Variants in ARHGAP19 observed in about 807,000 individuals in gnomAD.
The protein encoded by ARHGAP19 is Rho GTPase activating protein 19.
In ARHGAP19, 48 loss-of-function variants were observed where a neutral mutation model predicts 60.9. The ratio of observed to expected loss-of-function variants is 0.79; its 90% confidence interval spans 0.62 to 1.00. The LOEUF is 1.00. Ranked by LOEUF, ARHGAP19 falls within the 50% of genes least tolerant of loss-of-function variation. The probability of loss-of-function intolerance (pLI) is 0.00; values close to 1 mark genes in which losing one functional copy is unlikely to be tolerated. For missense variants in ARHGAP19, 562 were observed against 597.2 expected (o/e 0.94, Z 0.61); for synonymous variants, 209 against 215.5 (o/e 0.97, Z 0.27).
chr10:97,287,918 CG>C (rs1461810483), intron 1 of ARHGAP19, among the ~76,000 whole-genome samples: 2 of 151,948 alleles, frequency 1.3e-5, no homozygotes, highest in Non-Finnish European at 1.5e-5. Flanking sequence ...CAAAATTAGC[CG>C]GGCTTGGTGG....
At position 97,263,512 on chromosome 10, in the gene ARHGAP19, T is replaced by A; in HGVS notation, c.521A>T (p.Asn174Ile). Reference protein sequence around the residue: ...IDLESGEFHSNDVATLLKMFL... With the variant: ...IDLESGEFHSIDVATLLKMFL... ...CATCTTCAGCAAAGTGGCAACATCATTTGAGTGAAATTCCCCTGATTCCAA... is the reference window on the plus strand; with the variant it reads ...CATCTTCAGCAAAGTGGCAACATCAATTGAGTGAAATTCCCCTGATTCCAA... Residue 174 changes from asparagine to isoleucine, a missense_variant, in exon 4 of 12, where the codon AAT (asparagine) becomes ATT (isoleucine). Coordinates refer to ENST00000358531, the MANE Select transcript of ARHGAP19 (RefSeq NM_032900.6). The A allele has an allele frequency of 6.2e-7, 1 of 1,614,144 alleles. No individual in the cohort carries two copies. The highest frequency in any genetic ancestry group is 8.5e-7 in the Non-Finnish European group (1 of 1,180,022).
intron 8 of ARHGAP19, among the ~76,000 whole-genome samples, chr10:97,241,484 G>A (rs1224588894): frequency 2.0e-5 from 3 of 151,948 alleles, no homozygotes; most frequent in African/African-American, 7.3e-5. Flanking sequence ...GGAGGCCGAG[G>A]CAGGTGATCA....
chr10:97,233,146 CA>C (rs978476602), intron 9 of ARHGAP19, among the ~76,000 whole-genome samples: 18 of 146,146 alleles, frequency 1.2e-4, no homozygotes, highest in African/African-American at 1.5e-4. Flanking sequence ...GAGACTGTCT[CA>C]AAAAAAAAAG....
intron 1 of ARHGAP19, 28 bp from the exon 2 acceptor site, chr10:97,266,153 G>A: frequency 6.2e-7 from 1 of 1,609,936 alleles, no homozygotes; most frequent in Non-Finnish European, 8.5e-7. Flanking sequence ...AAATCTTTCG[G>A]GACATCATTT....
chr10:97,235,303 A>G lies in ARHGAP19; in HGVS notation c.1198T>C (p.Ser400Pro). The change falls in exon 9 of 12, where the codon TCA becomes CCA. Residue 400 changes from serine (S) to proline (P), a missense_variant. Transcript: ENST00000358531. ...TCTCGCCCTGGTGTCTGGGTCAATG[A>G]TTGCTTATTAAACTAAAAGAAAACA... Reference protein sequence around the residue: ...KQLIRQFNKQSLTQTPGREPS... With the variant: ...KQLIRQFNKQPLTQTPGREPS... 6.2e-7 allele frequency: 1 copy of G among 1,612,086 alleles called. No homozygotes were observed. The highest frequency in any genetic ancestry group is 8.5e-7 in the Non-Finnish European group (1 of 1,178,334).
At chr10:97,234,765 T>C (rs544955109) in intron 9 of ARHGAP19, among the ~76,000 whole-genome samples, 1 of 152,354 alleles carries the variant, frequency 6.6e-6, no homozygotes, top group Non-Finnish European at 1.5e-5. Flanking sequence ...CTGTTAAAAA[T>C]ATTAAGCTCA....
At chr10:97,259,763 G>A (rs1816226416) in intron 4 of ARHGAP19, 135 bp from the exon 5 acceptor site, 2 of 657,974 alleles carry the variant, frequency 3.0e-6, no homozygotes, top group Non-Finnish European at 5.4e-6. Flanking sequence ...ACAATTCAAA[G>A]ACTACAGCAA....
At chr10:97,230,665 A>G (rs1696938442) in intron 9 of ARHGAP19, among the ~76,000 whole-genome samples, 2 of 152,232 alleles carry the variant, frequency 1.3e-5, no homozygotes, top group South Asian at 4.1e-4. Flanking sequence ...GATTTAATAA[A>G]TAATTTACAT....
At chr10:97,249,972 G>T (rs142961809) in intron 6 of ARHGAP19, among the ~76,000 whole-genome samples, 4,199 of 152,058 alleles carry the variant, frequency 0.028, 182 homozygotes, top group African/African-American at 0.092. Flanking sequence ...TTTTAGTAGA[G>T]ACGGGGTTTC....
At chr10:97,226,392 C>A (rs905323522) in intron 11 of ARHGAP19, among the ~76,000 whole-genome samples, 2 of 152,162 alleles carry the variant, frequency 1.3e-5, no homozygotes, top group African/African-American at 4.8e-5. Context: ...CATTATTTAT[C>A]CTCACAATAA....
At chr10:97,231,025 C>T (rs11189050) in intron 9 of ARHGAP19, among the ~76,000 whole-genome samples, 41,935 of 87,272 alleles carry the variant, frequency 0.48, 6,907 homozygotes, top group Non-Finnish European at 0.56. Context: ...CCACTGCACT[C>T]CAGCCTGCAC....
intron 9 of ARHGAP19, among the ~76,000 whole-genome samples, 155 bp downstream of exon 9, chr10:97,235,062 T>A (rs111881234): frequency 6.6e-6 from 1 of 152,210 alleles, no homozygotes; most frequent in Non-Finnish European, 1.5e-5. Flanking sequence ...CACTTTGCAA[T>A]ATAAAAGCTT....
chr10:97,256,113 GAGGACCCAGCCCT>G (rs1366336558), intron 6 of ARHGAP19, among the ~76,000 whole-genome samples, 192 bp downstream of exon 6: 2 of 152,124 alleles, frequency 1.3e-5, no homozygotes, highest in Non-Finnish European at 2.9e-5. Flanking sequence ...CAGTTACCCA[GAGGACCCAGCCCT>G]ACTCAGCCTC....
At chr10:97,264,766 C>T in intron 3 of ARHGAP19, 60 bp downstream of exon 3, 1 of 1,342,694 alleles carries the variant, frequency 7.4e-7, no homozygotes. Context: ...GCAGTTAGCT[C>T]TCAACAGAAA....
chr10:97,228,971 A>G, intron 11 of ARHGAP19, 176 bp downstream of exon 11: 1 of 709,558 alleles, frequency 1.4e-6, no homozygotes. Flanking sequence ...GACAATGCTG[A>G]GTAAATGGTT....
At chr10:97,284,967 G>A (rs898618114) in intron 1 of ARHGAP19, among the ~76,000 whole-genome samples, 1 of 149,502 alleles carries the variant, frequency 6.7e-6, no homozygotes, top group African/African-American at 2.5e-5. Flanking sequence ...AGGTTCAAGC[G>A]ATTCTCCTAC....
intron 8 of ARHGAP19, among the ~76,000 whole-genome samples, chr10:97,236,197 G>A (rs1046293738): frequency 2.0e-5 from 3 of 151,830 alleles, no homozygotes; most frequent in African/African-American, 4.8e-5. Context: ...GGCTGATCTC[G>A]AACTCCTGAC....
rs1415054118 is a variant in ARHGAP19, at chr10:97,288,478, G to A, written c.56+4094C>T. On this transcript the variant is annotated intron_variant, in intron 1 of 11. Transcript: ENST00000358531. Reference sequence around the variant, plus strand: ...GCCTGTAGTCCCAGCTACTTGGGAGGCTAAGGCAGGAGAATCGCTTGAACT... The same window carrying A: ...GCCTGTAGTCCCAGCTACTTGGGAGACTAAGGCAGGAGAATCGCTTGAACT... Among the ~76,000 whole-genome samples, 13 of 151,768 alleles carry A rather than the reference G, an allele frequency of 8.6e-5. No homozygotes were observed. In the East Asian group the frequency reaches 2.5e-3, roughly 29 times the overall value.
chr10:97,264,310 G>A (rs117702300), intron 3 of ARHGAP19, among the ~76,000 whole-genome samples: 6,106 of 152,182 alleles, frequency 0.04, 203 homozygotes, highest in Non-Finnish European at 0.061. Context: ...AAAAGTAGCC[G>A]GGTGTGGTGG....
Sources: allele counts gnomAD v4.1 joint callset (sites outside exome capture counted in the v4.1 genomes callset), GRCh38; gene constraint gnomAD v4.1.1; transcripts MANE v1.5; gene names NCBI Gene and HGNC (gene_info 2026-07-23, HGNC 2026-07-21).